COL9A1: variants seen among roughly 807,000 people sequenced by gnomAD.
COL9A1 encodes the protein collagen alpha-1(IX) chain.
COL9A1 carries 104 observed loss-of-function variants against 142.6 expected under a neutral mutation model. The ratio of observed to expected loss-of-function variants is 0.73; its 90% CI spans 0.62 to 0.86. The LOEUF is 0.86. Among genes scored for constraint, COL9A1 ranks in the 40% least tolerant of loss-of-function variants. The pLI, the probability that COL9A1 is intolerant of heterozygous loss-of-function variation, is 0.00. For missense variants in COL9A1, 1,210 were observed against 1,176.6 expected, an observed-to-expected ratio of 1.03 and a Z score of -0.42; for synonymous variants, 466 against 396.0, an observed-to-expected ratio of 1.18 and a Z score of -2.10.
chr6:70,262,703 G>A (rs1365547987), intron 19 of COL9A1, among the ~76,000 whole-genome samples: 1 of 152,204 alleles, frequency 6.6e-6, no homozygotes, highest in Admixed American at 6.5e-5. Context: ...TGAAATTGAA[G>A]TTTGATGATG....
rs763563764 is a variant in COL9A1, at chr6:70,294,533, T to C, written c.330A>G (p.Glu110=). 3 of 1,614,042 alleles carry C rather than the reference T, an allele frequency of 1.9e-6. No individual in the cohort carries two copies. Among genetic ancestry groups the C allele is most frequent in the Non-Finnish European group, 2.5e-6 (3 of 1,179,932 alleles). Residue 110 remains glutamate, a synonymous_variant, in exon 5 of 38, where the codon GAA becomes GAG. Transcript: ENST00000357250. ...TTCGAAACGTCGTCAAGAAGGAGTA[T>C]TCTTCAGGCAGTCCACTGGGATATA... ...RNLYPSGLPE[E]YSFLTTFRMT...
Position 70,232,746 on chromosome 6 carries a change from A to G in COL9A1, c.2340T>C (p.Ser780=), listed in dbSNP as rs754706930. The part of the protein sequence containing the change: ...IQEHFAEMAA[S]LKRPDSGATG... ...TGGCACCTGAGTCTGGACGCTTAAG[A>G]CTGGCAGCCATCTCAGCAAAATGTT... The change falls in exon 36 of 38, where the codon AGT becomes AGC. Residue 780 remains serine, a synonymous_variant. Coordinates refer to ENST00000357250, the MANE Select transcript of COL9A1 (RefSeq NM_001851.6). 1.4e-5 allele frequency: 23 copies of G among 1,613,676 alleles called. No individual in the cohort carries two copies. Among genetic ancestry groups the G allele is most frequent in the Middle Eastern group, 1.6e-4 (1 of 6,062 alleles).
chr6:70,216,785 AT>A lies in COL9A1; in HGVS notation c.*111del. Reference sequence around the variant, plus strand: ...TCTGTAATCATACTGAAGGTAATACATTGTAATCATGCTGAAGGTAATCATC... The same window carrying A: ...TCTGTAATCATACTGAAGGTAATACATGTAATCATGCTGAAGGTAATCATC... On this transcript the variant is annotated 3_prime_UTR_variant, in exon 38 of 38. Transcript: ENST00000357250. The A allele has an allele frequency of 1.8e-6, 2 of 1,082,442 alleles. No homozygotes were observed. Among genetic ancestry groups the A allele is most frequent in the South Asian group, 2.7e-5 (2 of 74,974 alleles). 67.1% of individuals were successfully genotyped at this position (1,082,442 alleles called of 1,614,324 possible).
In COL9A1 at chr6:70,270,366, C is replaced by T. The variant is rs772825397; in HGVS notation, c.1145G>A (p.Gly382Asp). The T allele has an allele frequency of 1.9e-6, 3 of 1,613,262 alleles. No homozygotes were observed. Among genetic ancestry groups the T allele is most frequent in the East Asian group, 2.2e-5 (1 of 44,880 alleles). ...AGGTGGTCCTCTTCTCCCAGGGTCA[C>T]CCTAAGTTATTTGAAAATTGCGACA... ...PGELGRVGPV[G>D]DPGRRGPPGP... The change falls in exon 15 of 38, where the codon GGT becomes GAT. Residue 382 changes from glycine (G) to aspartate (D), a missense_variant and splice_region_variant. Transcript: ENST00000357250.
At position 70,240,738 on chromosome 6, in the gene COL9A1, A is replaced by T. The variant is rs750454914; in HGVS notation, c.2035-5T>A. 59 of 1,611,078 alleles carry T rather than the reference A, an allele frequency of 3.7e-5. No homozygotes were observed. The highest frequency in any genetic ancestry group is 4.8e-5 in the Non-Finnish European group (56 of 1,177,634). On this transcript the variant is annotated splice_polypyrimidine_tract_variant and splice_region_variant and intron_variant, in intron 31 of 37. Transcript: ENST00000357250. ...ACCTTCTTCACCAGAGGCACCCTAA[A>T]AATTAAGATAAAAGGTTACATTTTA...
intron 12 of COL9A1, among the ~76,000 whole-genome samples, chr6:70,273,220 C>T (rs1772519868): frequency 6.6e-6 from 1 of 152,216 alleles, no homozygotes; most frequent in South Asian, 2.1e-4. Flanking sequence ...TAGGTCAATT[C>T]AGGAAGTAAG....
rs375237303 is a variant in COL9A1, at chr6:70,300,260, T to C, written c.166+49A>G. ...CAACTTTCCCAAATAAAAAAAAAAA[T>C]CAGGTTTATAGAAAGCATGCATTTT... On this transcript the variant is annotated intron_variant, in intron 3 of 37. Transcript: ENST00000357250. 233 of 1,568,930 alleles carry C rather than the reference T, an allele frequency of 1.5e-4. 1 individual carries two copies. Among genetic ancestry groups the C allele is most frequent in the Non-Finnish European group, 1.9e-4 (213 of 1,139,134 alleles).
rs570184421 is a variant in COL9A1, at chr6:70,274,188, T to G, written c.1030-106A>C. 2.1e-4 allele frequency: 181 copies of G among 856,846 alleles called. 2 individuals are homozygous for G. The East Asian group carries it at 5.3e-3, about 25-fold the overall frequency. 53.1% of individuals were successfully genotyped at this position (856,846 alleles called of 1,614,324 possible). On this transcript the variant is annotated intron_variant, in intron 11 of 37. Transcript: ENST00000357250. ...CATTAAAACACCCCATTATGGTGTT[T>G]TTTTTTTTTAAATTTCCAACTTTTA... is the stretch of plus-strand genomic sequence containing the variant.
chr6:70,279,696 TAGTATA>T (rs1197281588), intron 10 of COL9A1: 1 of 193,848 alleles, frequency 5.2e-6, no homozygotes, highest in African/African-American at 3.1e-5. Context: ...AAACGCTAAA[TAGTATA>T]GACACAGTAT....
At chr6:70,241,500 T>C (rs771706203) in intron 30 of COL9A1, 46 bp from the exon 31 acceptor site, 9 of 1,530,616 alleles carry the variant, frequency 5.9e-6, no homozygotes, top group South Asian at 1.1e-5. Context: ...TTCAACTGTT[T>C]ATATAATTTC....
intron 10 of COL9A1, chr6:70,279,704 A>G (rs1773010630): frequency 3.2e-6 from 1 of 313,196 alleles, no homozygotes; most frequent in East Asian, 4.9e-5. Flanking sequence ...AATAGTATAG[A>G]CACAGTATAA....
intron 5 of COL9A1, among the ~76,000 whole-genome samples, chr6:70,284,031 G>T (rs1162177746): frequency 6.6e-6 from 1 of 152,142 alleles, no homozygotes; most frequent in Non-Finnish European, 1.5e-5. Flanking sequence ...TGATTATTAG[G>T]TATAGATGTC....
At chr6:70,257,233 G>C (rs1237896178) in intron 20 of COL9A1, among the ~76,000 whole-genome samples, 1 of 151,788 alleles carries the variant, frequency 6.6e-6, no homozygotes, top group Non-Finnish European at 1.5e-5. Flanking sequence ...GCTAATTTTT[G>C]TATTTTTAGT....
intron 32 of COL9A1, among the ~76,000 whole-genome samples, chr6:70,240,326 T>C (rs568253177): frequency 6.6e-6 from 1 of 152,204 alleles, no homozygotes; most frequent in Non-Finnish European, 1.5e-5. Context: ...TAGTGCACTA[T>C]TATTCATAGA....
At chr6:70,223,113 G>T (rs1028978659) in intron 37 of COL9A1, among the ~76,000 whole-genome samples, 1 of 152,144 alleles carries the variant, frequency 6.6e-6, no homozygotes, top group Non-Finnish European at 1.5e-5. Context: ...GGGCATCAGG[G>T]GCGGTGCTGA....
At chr6:70,217,177 T>C (rs1382629418) in intron 37 of COL9A1, 96 bp from the exon 38 acceptor site, 18 of 1,199,686 alleles carry the variant, frequency 1.5e-5, no homozygotes, top group Non-Finnish European at 2.0e-5. Flanking sequence ...ATAAGGGGTT[T>C]AACAAACGCT....
rs1056923 is a variant in COL9A1, at chr6:70,217,019, C to T, written c.2644G>A (p.Val882Met). The change falls in exon 38 of 38, where the codon GTG becomes ATG. Residue 882 changes from valine to methionine, a missense_variant. Coordinates refer to ENST00000357250, the MANE Select transcript of COL9A1 (RefSeq NM_001851.6). ...CCAGGCACTCCAGGAATTCCTGCCA[C>T]CCCTGGGGGGCCTCGCTCACCGTCT... ...GRDGERGPPGVAGIPGVPGPP... is the reference protein window; with the variant it reads ...GRDGERGPPGMAGIPGVPGPP... 8 of 1,614,072 alleles carry T rather than the reference C, an allele frequency of 5.0e-6. No homozygotes were observed. The highest frequency in any genetic ancestry group is 4.5e-5 in the East Asian group (2 of 44,896).
chr6:70,239,186 T>G, intron 33 of COL9A1, 68 bp downstream of exon 33: 8 of 993,598 alleles, frequency 8.1e-6, no homozygotes, highest in Non-Finnish European at 6.3e-6. Context: ...TAAAGCAGAA[T>G]ATTATATATT....
chr6:70,261,027 A>C, intron 19 of COL9A1: 1 of 268,998 alleles, frequency 3.7e-6, no homozygotes, highest in Non-Finnish European at 7.1e-6. Flanking sequence ...ACTTGTATGT[A>C]GAACTTACAC....
Sources: gnomAD v4.1 joint callset for allele counts (sites outside exome capture counted in the v4.1 genomes callset) on GRCh38, gnomAD v4.1.1 for gene constraint, MANE v1.5 for transcripts, NCBI Gene and HGNC (gene_info 2026-07-23, HGNC 2026-07-21) for gene names.